SH3RF2: variants seen among roughly 807,000 people sequenced by gnomAD.
The protein encoded by SH3RF2 is E3 ubiquitin-protein ligase SH3RF2.
In SH3RF2, 43 loss-of-function variants were observed where a neutral mutation model predicts 59.0. The ratio of observed to expected loss-of-function variants is 0.73; its 90% CI spans 0.57 to 0.94. The LOEUF is 0.94. Ranked by LOEUF, SH3RF2 falls within the 40% of genes least tolerant of loss-of-function variation. SH3RF2 has a pLI of 0.00. For synonymous variants in SH3RF2, 391 were observed against 391.5 expected, an observed-to-expected ratio of 1.00 and a Z score of 0.01; for missense variants, 930 against 940.1, an observed-to-expected ratio of 0.99 and a Z score of 0.14.
chr5:145,951,034 A>G (rs895737245), intron 2 of SH3RF2, among the ~76,000 whole-genome samples: 8 of 152,256 alleles, frequency 5.3e-5, no homozygotes, highest in Admixed American at 3.9e-4. Flanking sequence ...TTCTCTTTTC[A>G]TATTTTATAG....
At chr5:145,968,977 A>G (rs1035340585) in intron 2 of SH3RF2, among the ~76,000 whole-genome samples, 1 of 152,190 alleles carries the variant, frequency 6.6e-6, no homozygotes, top group African/African-American at 2.4e-5. Context: ...ATTCTTTTTT[A>G]CTTTTTAATT....
intron 9 of SH3RF2, among the ~76,000 whole-genome samples, chr5:146,075,136 A>AC (rs1445690097): frequency 6.6e-6 from 1 of 152,242 alleles, no homozygotes; most frequent in Non-Finnish European, 1.5e-5. Context: ...AACAAATGTG[A>AC]CAGCCACTGT....
intron 5 of SH3RF2, among the ~76,000 whole-genome samples, chr5:146,014,872 T>C (rs1379156407): frequency 6.6e-6 from 1 of 152,158 alleles, no homozygotes; most frequent in Non-Finnish European, 1.5e-5. Context: ...ATCCAGAAGC[T>C]GAAGTATTTC....
At chr5:146,037,541 C>T (rs758249433) in intron 5 of SH3RF2, among the ~76,000 whole-genome samples, 30 of 152,320 alleles carry the variant, frequency 2.0e-4, no homozygotes, top group Admixed American at 7.8e-4. Context: ...CACCTTTTCT[C>T]CCCAACAGGG....
At chr5:146,065,560 T>C (rs1048467626), downstream of SH3RF2, among the ~76,000 whole-genome samples, 4 of 152,146 alleles carry the variant, frequency 2.6e-5, no homozygotes, top group Admixed American at 6.5e-5. Context: ...CCAAATGAAA[T>C]GAAATATTCT....
chr5:146,081,281 T>C (rs1169300257), exon 10 of SH3RF2: 3 of 152,222 alleles, frequency 2.0e-5, no homozygotes, highest in Non-Finnish European at 4.4e-5. Context: ...CGTATTTTTT[T>C]TTCAAGTCCT....
At chr5:145,942,393 C>G (rs549715002) in intron 2 of SH3RF2, among the ~76,000 whole-genome samples, 8 of 152,196 alleles carry the variant, frequency 5.3e-5, no homozygotes, top group African/African-American at 1.2e-4. Flanking sequence ...CAAGAACACA[C>G]CTGCCACCTC....
At chr5:145,975,898 A>G (rs1447146258) in intron 2 of SH3RF2, among the ~76,000 whole-genome samples, 2 of 152,246 alleles carry the variant, frequency 1.3e-5, no homozygotes, top group Non-Finnish European at 1.5e-5. Flanking sequence ...TAAGGCTTAG[A>G]TGAGATAGTA....
intron 5 of SH3RF2, among the ~76,000 whole-genome samples, chr5:146,040,136 GGA>G (rs1426990948): frequency 1.3e-5 from 2 of 152,170 alleles, no homozygotes; most frequent in African/African-American, 4.8e-5. Flanking sequence ...GGATAACTTG[GGA>G]GAGAGACTTG....
At chr5:146,029,800 AAAAG>A (rs1435663367) in intron 5 of SH3RF2, among the ~76,000 whole-genome samples, 1 of 152,208 alleles carries the variant, frequency 6.6e-6, no homozygotes, top group Non-Finnish European at 1.5e-5. Context: ...AAAAGAAAAC[AAAAG>A]AAAGATAAAG....
intron 2 of SH3RF2, among the ~76,000 whole-genome samples, chr5:145,967,436 A>T (rs1372621329): frequency 6.6e-6 from 1 of 152,202 alleles, no homozygotes; most frequent in Non-Finnish European, 1.5e-5. Context: ...GCCATATGCC[A>T]GATCCCATGA....
chr5:146,045,990 T>C (rs140677383), intron 5 of SH3RF2, among the ~76,000 whole-genome samples: 2 of 152,334 alleles, frequency 1.3e-5, no homozygotes, highest in East Asian at 1.9e-4. Flanking sequence ...CCAACACTTA[T>C]TATTTGACTA....
intron 5 of SH3RF2, among the ~76,000 whole-genome samples, chr5:146,035,082 G>A (rs1337996557): frequency 6.6e-6 from 1 of 150,902 alleles, no homozygotes; most frequent in African/African-American, 2.4e-5. Flanking sequence ...CTCCAGCCTG[G>A]GCGATGAAGT....
At chr5:145,986,147 ACAGTGTATAAGTTGTAAATCACGTT>A (rs1214840650) in intron 2 of SH3RF2, among the ~76,000 whole-genome samples, 9 of 152,320 alleles carry the variant, frequency 5.9e-5, no homozygotes, top group African/African-American at 1.9e-4. Context: ...ATTCAAGGAC[ACAGTGTATAAGTTGTAAATCACGTT>A]CAGGGGCCAC....
intron 2 of SH3RF2, among the ~76,000 whole-genome samples, chr5:145,976,802 T>C (rs1759315014): frequency 6.6e-6 from 1 of 152,198 alleles, no homozygotes; most frequent in South Asian, 2.1e-4. Flanking sequence ...GTTATCCCCA[T>C]GGTTCTCAGT....
intron 8 of SH3RF2, among the ~76,000 whole-genome samples, chr5:146,059,163 G>A (rs193168032): frequency 3.0e-4 from 46 of 152,276 alleles, no homozygotes; most frequent in Admixed American, 2.7e-3. Flanking sequence ...TCCAGGAGGA[G>A]GTCTGATTCC....
At chr5:145,955,185 C>A (rs919223769) in intron 2 of SH3RF2, among the ~76,000 whole-genome samples, 3 of 152,158 alleles carry the variant, frequency 2.0e-5, no homozygotes, top group Non-Finnish European at 4.4e-5. Flanking sequence ...CAGGGAATAA[C>A]CTGATCTGAT....
intron 8 of SH3RF2, among the ~76,000 whole-genome samples, chr5:146,056,843 T>G (rs1426558675): frequency 6.6e-6 from 1 of 152,210 alleles, no homozygotes; most frequent in African/African-American, 2.4e-5. Flanking sequence ...GTTCTACACC[T>G]TGCTTTATTT....
chr5:145,947,329 C>A (rs1758036888), intron 2 of SH3RF2, among the ~76,000 whole-genome samples: 3 of 152,266 alleles, frequency 2.0e-5, no homozygotes, highest in African/African-American at 7.2e-5. Context: ...GTTTACAAGA[C>A]AATGCTGTCC....
Sources: allele counts gnomAD v4.1 joint callset (sites outside exome capture counted in the v4.1 genomes callset), GRCh38; gene constraint gnomAD v4.1.1; transcripts MANE v1.5; gene names NCBI Gene and HGNC (gene_info 2026-07-23, HGNC 2026-07-21).